Variants in HIBCH observed in about 807,000 individuals in gnomAD.
HIBCH encodes 3-hydroxyisobutyryl-CoA hydrolase.
A neutral mutation model predicts 58.2 loss-of-function variants in HIBCH; 50 were observed. The ratio of observed to expected loss-of-function variants is 0.86; its 90% CI spans 0.68 to 1.09. HIBCH has a LOEUF of 1.09. Ranked by LOEUF, HIBCH falls within the 50% of genes least tolerant of loss-of-function variation. The pLI, the probability that HIBCH is intolerant of heterozygous loss-of-function variation, is 0.00. For synonymous variants in HIBCH, 151 were observed against 146.9 expected (o/e 1.03, Z -0.20); for missense variants, 450 against 449.7 (o/e 1.00, Z -0.01).
chr2:190,302,935 T>A (rs1688305571), intron 2 of HIBCH, among the ~76,000 whole-genome samples: 1 of 152,228 alleles, frequency 6.6e-6, no homozygotes, highest in Non-Finnish European at 1.5e-5. Context: ...TCTATCAACA[T>A]GGCTTTTCAT....
At chr2:190,248,299 G>T (rs1465170704) in intron 9 of HIBCH, among the ~76,000 whole-genome samples, 1 of 152,110 alleles carries the variant, frequency 6.6e-6, no homozygotes, top group Non-Finnish European at 1.5e-5. Flanking sequence ...GGCAAGATGT[G>T]TTATTAAGGG....
rs189530268 is a variant in HIBCH at position 190,264,862 on chromosome 2, C to T, written c.439-3628G>A. Among the ~76,000 whole-genome samples the T allele has an allele frequency of 3.0e-3, 450 of 152,078 alleles. 2 individuals are homozygous for T. Among genetic ancestry groups the T allele is most frequent in the Non-Finnish European group, 3.9e-3 (262 of 67,996 alleles). On this transcript the variant is annotated intron_variant, in intron 6 of 13. Transcript: ENST00000359678. ...GCCAGGTACAGTGGCTCACGTAATGCCTATAATCCCAGCACTTTGGGAGGC... is the reference window on the plus strand; with the variant it reads ...GCCAGGTACAGTGGCTCACGTAATGTCTATAATCCCAGCACTTTGGGAGGC...
At chr2:190,303,674 A>G (rs1688328255) in intron 2 of HIBCH, among the ~76,000 whole-genome samples, 4 of 152,188 alleles carry the variant, frequency 2.6e-5, no homozygotes, top group Admixed American at 2.6e-4. Flanking sequence ...CTTCCAAGAG[A>G]CAGAGCTTTG....
intron 7 of HIBCH, among the ~76,000 whole-genome samples, chr2:190,255,792 T>C (rs562808208): frequency 1.3e-5 from 2 of 152,070 alleles, no homozygotes; most frequent in African/African-American, 2.4e-5. Context: ...TCTGGAGATC[T>C]GCAGGGTGTC....
intron 7 of HIBCH, among the ~76,000 whole-genome samples, chr2:190,259,942 T>C (rs1687042323): frequency 1.3e-5 from 2 of 152,168 alleles, no homozygotes; most frequent in Admixed American, 6.5e-5. Flanking sequence ...ATGAAAAATA[T>C]ATACCTTAAC....
At chr2:190,196,138 T>C (rs915752779) in intron 1 of HIBCH, among the ~76,000 whole-genome samples, 5 of 152,042 alleles carry the variant, frequency 3.3e-5, no homozygotes, top group African/African-American at 1.2e-4. Flanking sequence ...TAATTGTCCC[T>C]CCCCAACCCC....
chr2:190,242,354 T>C (rs531345473), intron 11 of HIBCH, among the ~76,000 whole-genome samples: 4 of 152,186 alleles, frequency 2.6e-5, no homozygotes, highest in South Asian at 2.1e-4. Context: ...CTTCCTTGCA[T>C]TGGGTTAGAC....
intron 1 of HIBCH, among the ~76,000 whole-genome samples, chr2:190,190,428 A>G (rs1250265185): frequency 6.6e-6 from 1 of 152,108 alleles, no homozygotes; most frequent in Admixed American, 6.6e-5. Context: ...GGATATCCCT[A>G]ATTTGTTTAT....
intron 11 of HIBCH, among the ~76,000 whole-genome samples, chr2:190,241,244 T>C (rs973541554): frequency 6.6e-6 from 1 of 152,190 alleles, no homozygotes; most frequent in Non-Finnish European, 1.5e-5. Flanking sequence ...TCTTTTTTGA[T>C]TGCTTTTGGT....
At chr2:190,270,827 G>A (rs1270929743) in intron 6 of HIBCH, among the ~76,000 whole-genome samples, 3 of 151,920 alleles carry the variant, frequency 2.0e-5, no homozygotes, top group Non-Finnish European at 4.4e-5. Context: ...TCATATTAAC[G>A]GGCTCATATT....
intron 11 of HIBCH, among the ~76,000 whole-genome samples, chr2:190,234,739 A>G (rs1686215106): frequency 6.6e-6 from 1 of 151,974 alleles, no homozygotes; most frequent in Non-Finnish European, 1.5e-5. Flanking sequence ...AATCCCAGTT[A>G]CTCGGGAGGC....
chr2:190,295,833 G>A (rs937593742), intron 3 of HIBCH, among the ~76,000 whole-genome samples: 15 of 152,140 alleles, frequency 9.9e-5, no homozygotes, highest in Non-Finnish European at 1.5e-4. Context: ...ATCAAAAGAA[G>A]AATTAAGGAA....
intron 11 of HIBCH, among the ~76,000 whole-genome samples, chr2:190,229,100 G>T (rs1686014059): frequency 6.6e-6 from 1 of 152,018 alleles, no homozygotes; most frequent in Non-Finnish European, 1.5e-5. Context: ...TACTGTATGG[G>T]GTATGCAAAG....
chr2:190,232,882 C>T (rs1686148922), intron 11 of HIBCH, among the ~76,000 whole-genome samples: 1 of 151,950 alleles, frequency 6.6e-6, no homozygotes, highest in Non-Finnish European at 1.5e-5. Flanking sequence ...GGCGTGAACC[C>T]GGGAGGCGGA....
intron 4 of HIBCH, among the ~76,000 whole-genome samples, chr2:190,294,022 G>GTGTATA (rs755751586): frequency 0.17 from 13,829 of 81,758 alleles, 827 homozygotes; most frequent in Non-Finnish European, 0.21. Context: ...TATTTTGTGT[G>GTGTATA]TATATATATA....
At chr2:190,226,983 C>A (rs1439099434) in intron 11 of HIBCH, among the ~76,000 whole-genome samples, 2 of 152,128 alleles carry the variant, frequency 1.3e-5, no homozygotes, top group Non-Finnish European at 2.9e-5. Flanking sequence ...GAATCAATAT[C>A]ATGAAAATGG....
intron 11 of HIBCH, among the ~76,000 whole-genome samples, chr2:190,233,560 C>T (rs1686175044): frequency 6.6e-6 from 1 of 152,184 alleles, no homozygotes; most frequent in Admixed American, 6.5e-5. Context: ...AATATAAGTC[C>T]ATTAAATCTC....
At chr2:190,231,964 G>C (rs1686111363) in intron 11 of HIBCH, among the ~76,000 whole-genome samples, 1 of 152,182 alleles carries the variant, frequency 6.6e-6, no homozygotes, top group South Asian at 2.1e-4. Flanking sequence ...GGGAGGCCAA[G>C]GTGTGTGGAT....
downstream of HIBCH, chr2:190,199,848 A>G (rs1690161006): frequency 6.2e-7 from 1 of 1,610,144 alleles, no homozygotes; most frequent in African/African-American, 1.3e-5. Context: ...CTCCACAAAC[A>G]GCTCTTCATA....
Sources: allele counts gnomAD v4.1 joint callset (sites outside exome capture counted in the v4.1 genomes callset), GRCh38; gene constraint gnomAD v4.1.1; transcripts MANE v1.5; gene names NCBI Gene and HGNC (gene_info 2026-07-23, HGNC 2026-07-21).